SLC14A2: variants seen among roughly 807,000 people sequenced by gnomAD.
The protein encoded by SLC14A2 is urea transporter 2.
A neutral mutation model predicts 104.6 loss-of-function variants in SLC14A2; 91 were observed. The observed-to-expected ratio is 0.87, with a 90% CI of 0.73 to 1.04. SLC14A2 has a LOEUF of 1.04. Among genes scored for constraint, SLC14A2 ranks in the 50% least tolerant of loss-of-function variants. The probability of loss-of-function intolerance (pLI) is 0.00; values close to 1 mark genes in which losing one functional copy is unlikely to be tolerated. For missense variants in SLC14A2, 1,189 were observed against 1,156.0 expected (o/e 1.03, Z -0.41); for synonymous variants, 476 against 466.4 (o/e 1.02, Z -0.27).
chr18:45,196,987 T>C, the SLC14A2 span, among the ~76,000 whole-genome samples: 1,294 of 152,322 alleles, frequency 8.5e-3, 19 homozygotes, highest in South Asian at 0.046. Context: ...TAAGGTAGAC[T>C]TGGACTAATG....
At chr18:45,465,655 A>G (rs1291926589) in intron 1 of SLC14A2, among the ~76,000 whole-genome samples, 1 of 152,004 alleles carries the variant, frequency 6.6e-6, no homozygotes, top group Non-Finnish European at 1.5e-5. Flanking sequence ...CCATGAAAGC[A>G]TGCCTGGGAC....
At chr18:45,680,793 G>A (rs981105014) in intron 19 of SLC14A2, among the ~76,000 whole-genome samples, 24 of 152,156 alleles carry the variant, frequency 1.6e-4, no homozygotes, top group Admixed American at 1.0e-3. Context: ...ACTGAGATTC[G>A]GTTCTTGGAC....
intron 2 of SLC14A2, among the ~76,000 whole-genome samples, chr18:45,593,271 C>T (rs918915616): frequency 6.6e-6 from 1 of 150,922 alleles, no homozygotes; most frequent in African/African-American, 2.4e-5. Context: ...GAGCCGAGAT[C>T]GCTCCACGGC....
chr18:45,314,058 C>G (rs1051774677), intron 1 of SLC14A2, among the ~76,000 whole-genome samples: 1 of 152,196 alleles, frequency 6.6e-6, no homozygotes, highest in African/African-American at 2.4e-5. Flanking sequence ...CAAGCACAGG[C>G]CTGACACAGT....
At chr18:45,327,412 G>A (rs1395221060) in intron 1 of SLC14A2, among the ~76,000 whole-genome samples, 1 of 152,020 alleles carries the variant, frequency 6.6e-6, no homozygotes, top group Non-Finnish European at 1.5e-5. Context: ...CAGCTCAGTG[G>A]CATTAAGTAC....
chr18:45,483,393 A>G (rs529998612), intron 2 of SLC14A2: 2 of 152,214 alleles, frequency 1.3e-5, no homozygotes, highest in Non-Finnish European at 2.9e-5. Flanking sequence ...TAATTAAACC[A>G]TAAAAAACCG....
At chr18:45,600,856 G>T (rs2044780049) in intron 2 of SLC14A2, among the ~76,000 whole-genome samples, 1 of 152,196 alleles carries the variant, frequency 6.6e-6, no homozygotes, top group African/African-American at 2.4e-5. Context: ...TTTCAAGATG[G>T]TGACTGTAGA....
chr18:45,443,489 T>C (rs943077018), intron 1 of SLC14A2, among the ~76,000 whole-genome samples: 1 of 152,128 alleles, frequency 6.6e-6, no homozygotes, highest in African/African-American at 2.4e-5. Flanking sequence ...GAACTGTCTC[T>C]GGAATGGGGG....
chr18:45,223,909 T>C (rs904992674), intron 1 of SLC14A2, among the ~76,000 whole-genome samples: 1 of 152,200 alleles, frequency 6.6e-6, no homozygotes, highest in African/African-American at 2.4e-5. Context: ...AAACATAATA[T>C]ACATACAAAT....
chr18:45,306,125 G>A (rs1326977166), intron 1 of SLC14A2, among the ~76,000 whole-genome samples: 1 of 152,090 alleles, frequency 6.6e-6, no homozygotes, highest in Non-Finnish European at 1.5e-5. Flanking sequence ...TAGAGTAGAA[G>A]CCCATTATGA....
At chr18:45,459,285 G>A (rs1043157382) in intron 1 of SLC14A2, among the ~76,000 whole-genome samples, 4 of 152,174 alleles carry the variant, frequency 2.6e-5, no homozygotes, top group Non-Finnish European at 4.4e-5. Flanking sequence ...AGAGTGCCCC[G>A]GCAACTGGGA....
intron 2 of SLC14A2, among the ~76,000 whole-genome samples, chr18:45,514,971 A>G (rs919507828): frequency 1.3e-5 from 2 of 152,244 alleles, no homozygotes; most frequent in Non-Finnish European, 2.9e-5. Context: ...ACCAAGTTCA[A>G]TGATTCTCTT....
intron 1 of SLC14A2, chr18:45,423,741 T>C (rs2086382598): frequency 6.6e-6 from 1 of 152,198 alleles, no homozygotes; most frequent in Non-Finnish European, 1.5e-5. Context: ...TCAACTATAC[T>C]AATAGGAACA....
chr18:45,636,871 G>A (rs2045424259), intron 5 of SLC14A2, 119 bp from the exon 6 acceptor site: 1 of 695,862 alleles, frequency 1.4e-6, no homozygotes, highest in Non-Finnish European at 2.5e-6. Context: ...AGTCTCAAGG[G>A]GGCCAGGAAT....
chr18:45,207,323 AGG>A, the SLC14A2 span, among the ~76,000 whole-genome samples: 4 of 146,956 alleles, frequency 2.7e-5, no homozygotes, highest in Middle Eastern at 3.2e-3. Flanking sequence ...GAAGGGAAAA[AGG>A]GGGAAGAAAG....
intron 1 of SLC14A2, among the ~76,000 whole-genome samples, chr18:45,404,662 C>A (rs1275518686): frequency 7.9e-5 from 12 of 152,236 alleles, no homozygotes. Context: ...GTGATGCTCT[C>A]CAGGGCTTCC....
At chr18:45,572,504 T>A (rs2044361983) in intron 2 of SLC14A2, among the ~76,000 whole-genome samples, 1 of 152,320 alleles carries the variant, frequency 6.6e-6, no homozygotes, top group East Asian at 1.9e-4. Flanking sequence ...CTACTCATTG[T>A]CTTCACTTTA....
intron 2 of SLC14A2, among the ~76,000 whole-genome samples, chr18:45,600,456 ACAGG>A (rs929167449): frequency 2.6e-5 from 4 of 152,136 alleles, no homozygotes; most frequent in African/African-American, 9.7e-5. Flanking sequence ...CCTTCTTCTC[ACAGG>A]CCCTCCACCT....
chr18:45,320,432 A>G (rs769085054), intron 1 of SLC14A2, among the ~76,000 whole-genome samples: 9 of 152,260 alleles, frequency 5.9e-5, no homozygotes, highest in African/African-American at 1.7e-4. Context: ...AAGAAAATAC[A>G]GAGGGGCTTA....
Sources: allele counts gnomAD v4.1 joint callset (sites outside exome capture counted in the v4.1 genomes callset), GRCh38; gene constraint gnomAD v4.1.1; transcripts MANE v1.5; gene names NCBI Gene and HGNC (gene_info 2026-07-23, HGNC 2026-07-21).